The following ATF3 variants were observed in gnomAD, a reference collection of about 807,000 sequenced individuals.
ATF3 encodes activating transcription factor 3.
ATF3 carries 10 observed loss-of-function variants against 18.4 expected under a neutral mutation model. The observed-to-expected ratio is 0.54, with a 90% CI of 0.34 to 0.92. The LOEUF is 0.92. ATF3 is among the 40% of genes least tolerant of loss of function. ATF3 has a pLI of 0.02. For missense variants in ATF3, 183 were observed against 222.3 expected (o/e 0.82, Z 1.12); for synonymous variants, 78 against 87.9 (o/e 0.89, Z 0.63).
intron 1 of ATF3, among the ~76,000 whole-genome samples, chr1:212,567,246 C>G (rs1388198297): frequency 6.6e-6 from 1 of 152,036 alleles, no homozygotes; most frequent in Non-Finnish European, 1.5e-5. Flanking sequence ...ATGCTGTCCC[C>G]CTGCTGACTC....
In ATF3 at chr1:212,619,613, A is replaced by G. The variant is rs943553666; in HGVS notation, c.*58A>G. ...TCATTGAATCCTCATTTTATACCCA[A>G]AACCCTGAAGCCATTGGAGAGCTGT... On this transcript the variant is annotated 3_prime_UTR_variant, in exon 4 of 4. Coordinates refer to ENST00000341491, the MANE Select transcript of ATF3 (RefSeq NM_001674.4). The surrounding 1 kb of genome is among the most constrained non-coding windows in gnomAD (Gnocchi z 4.4). 2.9e-5 allele frequency: 47 copies of G among 1,594,488 alleles called. No individual in the cohort carries two copies. The highest frequency in any genetic ancestry group is 3.8e-5 in the Non-Finnish European group (44 of 1,169,250).
rs370753732 is a variant in ATF3, at chr1:212,574,476, T to C, written c.-5+8993T>C. The stretch of plus-strand genomic sequence containing the variant: ...ACAAATGCTTTCTCCTGTTCTATAA[T>C]ATCTTTTCATTTTGTTTGTGTTGTC... On this transcript the variant is annotated intron_variant, in intron 1 of 3. Transcript: ENST00000366981. 1.1e-4 allele frequency among the ~76,000 whole-genome samples: 16 copies of C among 152,194 alleles called. No individual in the cohort carries two copies. In the South Asian group the frequency reaches 3.3e-3, roughly 32 times the overall value.
intron 1 of ATF3, among the ~76,000 whole-genome samples, chr1:212,586,972 A>G (rs1664791574): frequency 6.6e-6 from 1 of 152,200 alleles, no homozygotes; most frequent in African/African-American, 2.4e-5. Flanking sequence ...TCCGCAGGGC[A>G]GAGGAGCCCT....
intron 1 of ATF3, among the ~76,000 whole-genome samples, chr1:212,603,352 G>C (rs1654536175): frequency 6.6e-6 from 1 of 151,890 alleles, no homozygotes; most frequent in South Asian, 2.1e-4. Flanking sequence ...GAGGGGCAGG[G>C]ATTTAAAAAA....
At chr1:212,607,484 G>A (rs1370028429), upstream of ATF3, among the ~76,000 whole-genome samples, 2 of 152,218 alleles carry the variant, frequency 1.3e-5, no homozygotes, top group African/African-American at 4.8e-5. Context: ...CCAGGAAATC[G>A]TTTTTAAGGT....
At chr1:212,606,295 T>C (rs565514262), upstream of ATF3, among the ~76,000 whole-genome samples, 5 of 152,214 alleles carry the variant, frequency 3.3e-5, no homozygotes, top group Admixed American at 6.5e-5. Flanking sequence ...TCTGTCAAGA[T>C]TCTTATCACT....
At chr1:212,567,838 G>A (rs1292240888) in intron 1 of ATF3, among the ~76,000 whole-genome samples, 1 of 152,208 alleles carries the variant, frequency 6.6e-6, no homozygotes, top group African/African-American at 2.4e-5. Flanking sequence ...GAAAAGTTCT[G>A]AGAGCCGTGG....
chr1:212,585,910 G>A (rs2102630090), intron 1 of ATF3, among the ~76,000 whole-genome samples: 1 of 152,186 alleles, frequency 6.6e-6, no homozygotes, highest in East Asian at 1.9e-4. Context: ...TGAGGTGTGA[G>A]GTTCCCCGGG....
At chr1:212,582,640 A>T (rs1664705251) in intron 1 of ATF3, among the ~76,000 whole-genome samples, 1 of 152,266 alleles carries the variant, frequency 6.6e-6, no homozygotes, top group South Asian at 2.1e-4. Flanking sequence ...ACCTTCTGAA[A>T]CATGCCTGTG....
intron 1 of ATF3, among the ~76,000 whole-genome samples, chr1:212,592,486 T>C (rs1271198771): frequency 8.9e-6 from 1 of 112,590 alleles, no homozygotes; most frequent in African/African-American, 3.3e-5. Context: ...CCACACATTA[T>C]ATTTGGTTGA....
At position 212,592,037 on chromosome 1, in the gene ATF3, G is replaced by A. The variant is rs368662671; in HGVS notation, c.-4-22981G>A. Among the ~76,000 whole-genome samples the A allele has an allele frequency of 3.3e-5, 5 of 152,124 alleles. No homozygotes were observed. The East Asian group carries it at 7.7e-4, about 23-fold the overall frequency. ...AATGTTCTATTTTAACCATTTGCAA[G>A]TGTACAATTCAGTGGCATTAAGTAC... On this transcript the variant is annotated intron_variant, in intron 1 of 3. Coordinates refer to the ATF3 transcript ENST00000366981.
intron 1 of ATF3, among the ~76,000 whole-genome samples, chr1:212,602,386 G>A (rs1323680428): frequency 2.6e-5 from 4 of 152,080 alleles, no homozygotes; most frequent in Non-Finnish European, 4.4e-5. Flanking sequence ...GGTTCCTTTC[G>A]GTATGAGAAT....
At chr1:212,574,628 A>G (rs1664541657) in intron 1 of ATF3, among the ~76,000 whole-genome samples, 1 of 151,840 alleles carries the variant, frequency 6.6e-6, no homozygotes, top group Non-Finnish European at 1.5e-5. Flanking sequence ...CTTCCTATAT[A>G]TTGTTTTTTC....
intron 1 of ATF3, among the ~76,000 whole-genome samples, chr1:212,600,978 C>A (rs1304869423): frequency 1.3e-5 from 2 of 152,124 alleles, no homozygotes; most frequent in African/African-American, 4.8e-5. Context: ...CTCTTCAGGT[C>A]AAGAAATGCT....
At chr1:212,606,715 G>A (rs756737405), upstream of ATF3, among the ~76,000 whole-genome samples, 19 of 152,360 alleles carry the variant, frequency 1.2e-4, no homozygotes, top group Admixed American at 7.2e-4. Context: ...TTATAATGGT[G>A]CTATTTATTC....
chr1:212,617,229 T>C (rs1270300802), intron 2 of ATF3, among the ~76,000 whole-genome samples: 1 of 152,188 alleles, frequency 6.6e-6, no homozygotes, highest in Non-Finnish European at 1.5e-5. Flanking sequence ...GTTCACAGCC[T>C]TGGGACCAGG....
chr1:212,608,904 C>G lies in ATF3; in HGVS notation c.-31C>G, dbSNP rs2102647847. 1 of 152,600 alleles carries G rather than the reference C, an allele frequency of 6.6e-6. No individual in the cohort carries two copies. The highest frequency in any genetic ancestry group is 2.1e-4 in the South Asian group (1 of 4,840). 9.5% of individuals were successfully genotyped at this position (152,600 alleles called of 1,614,324 possible). ...ACAGCCCGCCCGACCCCGTCCCGAC[C>G]CTGGCCGCCCCGAGCGGAGCCTGGA... On this transcript the variant is annotated 5_prime_UTR_variant, in exon 1 of 4. Coordinates refer to ENST00000341491, the MANE Select transcript of ATF3 (RefSeq NM_001674.4).
intron 1 of ATF3, among the ~76,000 whole-genome samples, chr1:212,609,533 G>A (rs1654803198): frequency 6.6e-6 from 1 of 152,248 alleles, no homozygotes; most frequent in Non-Finnish European, 1.5e-5. Flanking sequence ...ACTGGCGGCA[G>A]GACCGTGAAG....
Position 212,615,255 on chromosome 1 carries a change from A to C in ATF3, c.234A>C (p.Lys78Asn), listed in dbSNP as rs1571793012. 6.2e-7 allele frequency: 1 copy of C among 1,613,830 alleles called. No individual in the cohort carries two copies. Among genetic ancestry groups the C allele is most frequent in the Non-Finnish European group, 8.5e-7 (1 of 1,179,760 alleles). ...GACCCCTCGGGGTGTCCATCACAAA[A>C]GCCGAGGTGGGTTCTATCACAGGTA... ...SDRPLGVSIT[K>N]AEVAPEEDER... Residue 78 changes from lysine (K) to asparagine (N), a missense_variant, in exon 2 of 4, where the codon AAA becomes AAC. Transcript: ENST00000341491.
Sources: allele counts gnomAD v4.1 joint callset (sites outside exome capture counted in the v4.1 genomes callset), GRCh38; gene constraint gnomAD v4.1.1; non-coding constraint Gnocchi (gnomAD v3.1); transcripts MANE v1.5; gene names NCBI Gene and HGNC (gene_info 2026-07-23, HGNC 2026-07-21).